Variants in PKNOX2 observed in about 807,000 individuals in gnomAD.
PKNOX2 encodes the protein homeobox protein PKNOX2.
PKNOX2 carries 14 observed loss-of-function variants against 53.1 expected under a neutral mutation model. That is an observed-to-expected ratio of 0.26 (90% CI 0.17 to 0.41). The LOEUF (loss-of-function observed/expected upper bound fraction) is 0.41, where lower values mean the gene tolerates loss of function less well. PKNOX2 is among the 10% of genes least tolerant of loss of function. The probability of loss-of-function intolerance (pLI) is 1.00; values close to 1 mark genes in which losing one functional copy is unlikely to be tolerated. For missense variants in PKNOX2, 496 were observed against 602.8 expected (o/e 0.82, Z 1.85); for synonymous variants, 257 against 242.8 (o/e 1.06, Z -0.54).
chr11:125,432,619 G>A lies in PKNOX2; in HGVS notation c.*1227G>A, dbSNP rs1214964962. On this transcript the variant is annotated 3_prime_UTR_variant, in exon 13 of 13. Transcript: ENST00000298282. ...AACCCTGCTATCCACAGCCCTGGAGGAACTGGGGCTCCTGGAAGGAGGAGG... is the reference window on the plus strand; with the variant it reads ...AACCCTGCTATCCACAGCCCTGGAGAAACTGGGGCTCCTGGAAGGAGGAGG... 1 of 152,816 alleles carries A rather than the reference G, an allele frequency of 6.5e-6. No individual in the cohort carries two copies. The allele number at this position is 152,816 out of a possible 1,614,324, so 9.5% of individuals were successfully genotyped here.
intron 4 of PKNOX2, among the ~76,000 whole-genome samples, chr11:125,360,198 G>A (rs117584952): frequency 0.02 from 3,017 of 152,104 alleles, 93 homozygotes; most frequent in Admixed American, 0.078. Flanking sequence ...CTGAGAAGGT[G>A]AAGGCTTGGG....
intron 2 of PKNOX2, among the ~76,000 whole-genome samples, chr11:125,235,921 T>G (rs74667876): frequency 0.018 from 2,717 of 152,276 alleles, 84 homozygotes; most frequent in African/African-American, 0.061. Flanking sequence ...TAGTCGCTCT[T>G]TAGTAAGTGT....
chr11:125,275,865 A>T (rs1359717604), intron 2 of PKNOX2, among the ~76,000 whole-genome samples: 2 of 152,162 alleles, frequency 1.3e-5, no homozygotes, highest in African/African-American at 4.8e-5. Context: ...AAAGAGGTTC[A>T]GTTGGAGATG....
Position 125,338,186 on chromosome 11 carries a change from C to T in PKNOX2, c.-23+6261C>T, listed in dbSNP as rs374248808. On this transcript the variant is annotated intron_variant, in intron 3 of 12. Transcript: ENST00000298282. ...ATTCTGAAATGGGCTTCCTCACCTC[C>T]CTGTCTCCCTCTGCCCATCTTCCCT... Among the ~76,000 whole-genome samples the T allele has an allele frequency of 2.2e-3, 330 of 152,280 alleles. 3 individuals are homozygous for T. The highest frequency in any genetic ancestry group is 6.8e-3 in the Middle Eastern group (2 of 294).
At chr11:125,350,066 C>G (rs1483147341) in intron 3 of PKNOX2, among the ~76,000 whole-genome samples, 1 of 152,198 alleles carries the variant, frequency 6.6e-6, no homozygotes, top group Non-Finnish European at 1.5e-5. Flanking sequence ...TCTACACCAA[C>G]AGTGCCCTCC....
At chr11:125,243,393 C>A (rs1182388934) in intron 2 of PKNOX2, among the ~76,000 whole-genome samples, 2 of 152,216 alleles carry the variant, frequency 1.3e-5, no homozygotes, top group Non-Finnish European at 2.9e-5. Flanking sequence ...AGTTAAGCCA[C>A]CTGTCCCCAA....
chr11:125,307,977 G>A (rs1281417190), intron 2 of PKNOX2, among the ~76,000 whole-genome samples: 1 of 152,156 alleles, frequency 6.6e-6, no homozygotes, highest in Non-Finnish European at 1.5e-5. Flanking sequence ...TGATGGATGA[G>A]CAAGACCCAA....
chr11:125,201,726 T>C (rs1005411250), intron 1 of PKNOX2, among the ~76,000 whole-genome samples: 1 of 152,188 alleles, frequency 6.6e-6, no homozygotes, highest in African/African-American at 2.4e-5. Flanking sequence ...CTCCTGTTAT[T>C]AATGGCCATG....
In PKNOX2 at chr11:125,185,308, A is replaced by G. The variant is rs189405633; in HGVS notation, c.-201+20532A>G. ...GCTCTCTGAGTTCAATTCATTTTAC[A>G]TAAGAAATTACACAATTACACTCTA... On this transcript the variant is annotated intron_variant, in intron 1 of 12. Coordinates refer to ENST00000298282, the MANE Select transcript of PKNOX2 (RefSeq NM_001382323.2). Among the ~76,000 whole-genome samples the G allele has an allele frequency of 4.7e-4, 72 of 152,286 alleles. 2 individuals are homozygous for G. In the East Asian group the frequency reaches 0.012, roughly 25 times the overall value.
intron 4 of PKNOX2, among the ~76,000 whole-genome samples, chr11:125,355,575 G>A (rs1018503030): frequency 6.6e-6 from 1 of 152,196 alleles, no homozygotes; most frequent in African/African-American, 2.4e-5. Context: ...CTAGGTGTGT[G>A]AGCCTCAGTT....
At chr11:125,203,388 G>A (rs1938677324) in intron 1 of PKNOX2, among the ~76,000 whole-genome samples, 1 of 152,252 alleles carries the variant, frequency 6.6e-6, no homozygotes. Flanking sequence ...TTATAGGCAT[G>A]AGCCACCATG....
At chr11:125,369,768 G>A (rs772166977) in intron 5 of PKNOX2, among the ~76,000 whole-genome samples, 1 of 152,188 alleles carries the variant, frequency 6.6e-6, no homozygotes, top group East Asian at 1.9e-4. Context: ...CCTGGGCAAG[G>A]TGCAGTGGGC....
At chr11:125,393,734 C>A (rs1435873690) in intron 6 of PKNOX2, among the ~76,000 whole-genome samples, 1 of 152,078 alleles carries the variant, frequency 6.6e-6, no homozygotes, top group Non-Finnish European at 1.5e-5. Context: ...ATCAGAGCAG[C>A]TGAGAAAAGG....
intron 10 of PKNOX2, among the ~76,000 whole-genome samples, chr11:125,420,316 A>G (rs1956107714): frequency 6.6e-6 from 1 of 151,770 alleles, no homozygotes; most frequent in South Asian, 2.1e-4. Context: ...TCATGAGGTC[A>G]GGAGATCGAG....
intron 5 of PKNOX2, among the ~76,000 whole-genome samples, chr11:125,382,336 C>G (rs1394862906): frequency 6.6e-6 from 1 of 152,228 alleles, no homozygotes; most frequent in Non-Finnish European, 1.5e-5. Context: ...CACACACACA[C>G]AAGCACACAC....
intron 1 of PKNOX2, among the ~76,000 whole-genome samples, chr11:125,202,720 T>TG (rs552127622): frequency 7.5e-6 from 1 of 133,486 alleles, no homozygotes; most frequent in Admixed American, 7.5e-5. Flanking sequence ...GGCTGTGGGT[T>TG]GGGGGGGAGG....
At chr11:125,364,733 G>C (rs1419922446) in intron 4 of PKNOX2, among the ~76,000 whole-genome samples, 1 of 152,194 alleles carries the variant, frequency 6.6e-6, no homozygotes, top group African/African-American at 2.4e-5. Context: ...AAGCGCTCTA[G>C]AGTTTCCAAA....
chr11:125,420,274 T>G (rs930941149), intron 10 of PKNOX2, among the ~76,000 whole-genome samples: 2 of 150,476 alleles, frequency 1.3e-5, no homozygotes, highest in African/African-American at 4.9e-5. Context: ...ACGCCTTTAA[T>G]CCCAGCACTT....
At chr11:125,334,347 T>C (rs1222084716) in intron 3 of PKNOX2, among the ~76,000 whole-genome samples, 1 of 152,144 alleles carries the variant, frequency 6.6e-6, no homozygotes, top group African/African-American at 2.4e-5. Context: ...GCCTGGATAG[T>C]CATGGATTGG....
Sources: gnomAD v4.1 joint callset for allele counts (sites outside exome capture counted in the v4.1 genomes callset) on GRCh38, gnomAD v4.1.1 for gene constraint, MANE v1.5 for transcripts, NCBI Gene and HGNC (gene_info 2026-07-23, HGNC 2026-07-21) for gene names.